COL14A1: variants seen among roughly 807,000 people sequenced by gnomAD.
The protein encoded by COL14A1 is collagen type XIV alpha 1 chain.
Under a neutral mutation model 230.3 loss-of-function variants are expected in COL14A1, and 136 were observed. That is an observed-to-expected ratio of 0.59 (90% CI 0.51 to 0.68). COL14A1 has a LOEUF of 0.68. Among genes scored for constraint, COL14A1 ranks in the 30% least tolerant of loss-of-function variants. The pLI, the probability that COL14A1 is intolerant of heterozygous loss-of-function variation, is 0.00. For missense variants in COL14A1, 1,976 were observed against 2,215.8 expected (o/e 0.89, Z 2.17); for synonymous variants, 792 against 784.1 (o/e 1.01, Z -0.17).
intron 8 of COL14A1, among the ~76,000 whole-genome samples, chr8:120,200,874 T>A (rs1817228378): frequency 6.6e-6 from 1 of 150,946 alleles, no homozygotes. Flanking sequence ...GAAACTATGA[T>A]GTTCCCTCCT....
intron 40 of COL14A1, among the ~76,000 whole-genome samples, chr8:120,331,443 A>G (rs1586871316): frequency 6.6e-6 from 1 of 152,210 alleles, no homozygotes; most frequent in African/African-American, 2.4e-5. Context: ...AACATTTAGG[A>G]GTAAGTCATC....
At chr8:120,143,021 G>T (rs950189853) in intron 1 of COL14A1, among the ~76,000 whole-genome samples, 7 of 152,152 alleles carry the variant, frequency 4.6e-5, no homozygotes, top group Non-Finnish European at 5.9e-5. Flanking sequence ...AGAGGCTTTT[G>T]CACTTAAAGC....
At chr8:120,190,130 A>G (rs1214565140) in intron 5 of COL14A1, among the ~76,000 whole-genome samples, 2 of 151,564 alleles carry the variant, frequency 1.3e-5, no homozygotes, top group Non-Finnish European at 1.5e-5. Flanking sequence ...ATTTCTCCAC[A>G]TCCTCTCCAG....
At chr8:120,358,991 A>G (rs1171978940) in intron 45 of COL14A1, among the ~76,000 whole-genome samples, 2 of 152,036 alleles carry the variant, frequency 1.3e-5, no homozygotes, top group Non-Finnish European at 2.9e-5. Context: ...ATAGTGAAGT[A>G]GTTTGACTTT....
intron 24 of COL14A1, among the ~76,000 whole-genome samples, chr8:120,265,200 G>A (rs1819466960): frequency 6.6e-6 from 1 of 151,976 alleles, no homozygotes; most frequent in Non-Finnish European, 1.5e-5. Context: ...CAGATGTTCT[G>A]CCCAATCGTA....
chr8:120,245,820 C>T (rs1486163550), intron 20 of COL14A1, among the ~76,000 whole-genome samples: 1 of 152,138 alleles, frequency 6.6e-6, no homozygotes, highest in Non-Finnish European at 1.5e-5. Flanking sequence ...TCCAGCAGAG[C>T]AGTCATATTT....
At chr8:120,357,508 G>A (rs188493710) in intron 45 of COL14A1, among the ~76,000 whole-genome samples, 1 of 152,250 alleles carries the variant, frequency 6.6e-6, no homozygotes, top group Admixed American at 6.5e-5. Flanking sequence ...CTATTTGTTA[G>A]AAGGGAGTCA....
At position 120,208,376 on chromosome 8, in the gene COL14A1, C is replaced by T; in HGVS notation, c.1321+15C>T. ...TGAAACTACACGTATGTATTTAATT[C>T]TACCCCACTTCTAACTTTGTAGAGT... On this transcript the variant is annotated intron_variant, in intron 11 of 47. Transcript: ENST00000297848. 1 of 1,609,360 alleles carries T rather than the reference C, an allele frequency of 6.2e-7. No homozygotes were observed. Among genetic ancestry groups the T allele is most frequent in the Non-Finnish European group, 8.5e-7 (1 of 1,177,360 alleles).
chr8:120,330,801 A>C (rs1219047459), intron 40 of COL14A1, among the ~76,000 whole-genome samples: 1 of 152,118 alleles, frequency 6.6e-6, no homozygotes. Context: ...GTGAGTCTGG[A>C]CAGACCTAAA....
At chr8:120,365,810 T>C (rs1272543303) in intron 45 of COL14A1, among the ~76,000 whole-genome samples, 1 of 152,194 alleles carries the variant, frequency 6.6e-6, no homozygotes, top group Non-Finnish European at 1.5e-5. Flanking sequence ...TAAGCTCAGA[T>C]AGCACCATCA....
In COL14A1 at chr8:120,228,742, A is replaced by G; in HGVS notation, c.2170A>G (p.Ile724Val). The G allele has an allele frequency of 1.9e-6, 3 of 1,613,998 alleles. No homozygotes were observed. The highest frequency in any genetic ancestry group is 2.5e-6 in the Non-Finnish European group (3 of 1,179,888). The change falls in exon 18 of 48, where the codon ATA becomes GTA. Residue 724 changes from isoleucine (I) to valine (V), a missense_variant. Physicochemically the swap from Ile to Val is conservative, Grantham distance 29. Transcript: ENST00000297848. The part of the protein sequence containing the change: ...DSFWTEPATT[I>V]VPTTSVTSVF... ...TTTTTGGACAGAACCAGCTACAACC[A>G]TAGTGCCTACCACATCTGTGACTTC...
At chr8:120,264,081 T>C (rs1323580324) in intron 24 of COL14A1, among the ~76,000 whole-genome samples, 1 of 152,172 alleles carries the variant, frequency 6.6e-6, no homozygotes, top group Non-Finnish European at 1.5e-5. Context: ...TCAGGACGTT[T>C]CCATCAACCC....
rs780691902 is a variant in COL14A1 at position 120,199,522 on chromosome 8, C to A, written c.833C>A (p.Pro278Gln). ...DGKSQDDIIP[P>Q]SRNLRESGVE... ...AAATCCCAAGATGACATTATTCCAC[C>A]ATCTAGAAATCTTCGTGAGTCTGGT... The change falls in exon 8 of 48, where the codon CCA becomes CAA. Residue 278 changes from proline to glutamine, a missense_variant. Around this residue, in one of 3 missense-constraint regions of COL14A1, gnomAD observed 1,791 missense variants for 2,019.5 expected, o/e 0.89. Coordinates refer to ENST00000297848, the MANE Select transcript of COL14A1 (RefSeq NM_021110.4). 1.2e-6 allele frequency: 2 copies of A among 1,612,836 alleles called. No individual in the cohort carries two copies. The highest frequency in any genetic ancestry group is 1.7e-6 in the Non-Finnish European group (2 of 1,179,522).
intron 5 of COL14A1, among the ~76,000 whole-genome samples, chr8:120,180,904 C>T (rs1420918688): frequency 6.6e-6 from 1 of 151,848 alleles, no homozygotes; most frequent in Non-Finnish European, 1.5e-5. Context: ...GATGGGTTTC[C>T]CCATGTTGGC....
intron 5 of COL14A1, among the ~76,000 whole-genome samples, chr8:120,174,401 T>C (rs1444517843): frequency 6.6e-6 from 1 of 152,204 alleles, no homozygotes; most frequent in Non-Finnish European, 1.5e-5. Context: ...TGCTGTATTC[T>C]TTCCCCTAAC....
At position 120,168,149 on chromosome 8, in the gene COL14A1, C is replaced by A. The variant is rs1334456540; in HGVS notation, c.350-12C>A. 1.3e-6 allele frequency: 2 copies of A among 1,585,698 alleles called. No individual in the cohort carries two copies. The highest frequency in any genetic ancestry group is 4.5e-5 in the East Asian group (2 of 44,690). ...AGTATAACATGGTGCTGTATCTCTACTTTTCTTCCAGTTAAAGATTTAGAA... is the reference window on the plus strand; with the variant it reads ...AGTATAACATGGTGCTGTATCTCTAATTTTCTTCCAGTTAAAGATTTAGAA... On this transcript the variant is annotated splice_polypyrimidine_tract_variant and intron_variant, in intron 4 of 47. Transcript: ENST00000297848.
chr8:120,356,690 A>C (rs1266594335), intron 45 of COL14A1, among the ~76,000 whole-genome samples: 1 of 151,976 alleles, frequency 6.6e-6, no homozygotes, highest in Non-Finnish European at 1.5e-5. Context: ...AGGAGTACAG[A>C]GCACTCCAGC....
At chr8:120,272,208 G>A (rs542165925) in intron 26 of COL14A1, among the ~76,000 whole-genome samples, 1 of 151,758 alleles carries the variant, frequency 6.6e-6, no homozygotes, top group African/African-American at 2.4e-5. Context: ...TTTTATAAAT[G>A]GAGGAAAAAT....
At chr8:120,216,324 T>A (rs1034532084) in intron 13 of COL14A1, 27 bp from the exon 14 acceptor site, 1 of 1,580,086 alleles carries the variant, frequency 6.3e-7, no homozygotes, top group Non-Finnish European at 8.6e-7. Flanking sequence ...GACATTTTAA[T>A]TATTTTCTAT....
Sources: gnomAD v4.1 joint callset for allele counts (sites outside exome capture counted in the v4.1 genomes callset) on GRCh38, gnomAD v4.1.1 for gene constraint, gnomAD v4.1.1 regional missense constraint, MANE v1.5 for transcripts, NCBI Gene and HGNC (gene_info 2026-07-23, HGNC 2026-07-21) for gene names.